PDE7A: variants seen among roughly 807,000 people sequenced by gnomAD.
PDE7A encodes phosphodiesterase 7A, also known as high affinity 3',5'-cyclic-AMP phosphodiesterase 7A.
PDE7A carries 39 observed loss-of-function variants against 64.3 expected under a neutral mutation model. The observed-to-expected ratio is 0.61, with a 90% CI of 0.47 to 0.79. The LOEUF is 0.79. PDE7A is among the 30% of genes least tolerant of loss of function. The pLI is 0.00. For missense variants in PDE7A, 470 were observed against 582.8 expected (o/e 0.81, Z 1.99); for synonymous variants, 203 against 206.8 (o/e 0.98, Z 0.16).
Position 65,715,138 on chromosome 8 carries a change from T to C in PDE7A, c.*4152A>G, listed in dbSNP as rs1173906663. Among the ~76,000 whole-genome samples the C allele has an allele frequency of 6.6e-6, 1 of 152,208 alleles. No homozygotes were observed. Among genetic ancestry groups the C allele is most frequent in the Non-Finnish European group, 1.5e-5 (1 of 68,046 alleles). On this transcript the variant is annotated 3_prime_UTR_variant, in exon 13 of 13. Transcript: ENST00000401827. ...CATGTAAAATAAATTTTGCATTCTG[T>C]TCTGTAATATTTACTTGCTTTTTAA...
chr8:65,765,660 G>A (rs1808744690), intron 3 of PDE7A: 1 of 152,208 alleles, frequency 6.6e-6, no homozygotes, highest in Non-Finnish European at 1.5e-5. Flanking sequence ...CTTGCTGGAT[G>A]TTGGCAGAGA....
At chr8:65,747,236 C>G (rs1352823890) in intron 4 of PDE7A, among the ~76,000 whole-genome samples, 1 of 152,150 alleles carries the variant, frequency 6.6e-6, no homozygotes, top group Non-Finnish European at 1.5e-5. Context: ...ACTTTCTGTG[C>G]TGGGTTTACC....
chr8:65,829,035 C>T (rs1182202519), intron 1 of PDE7A, among the ~76,000 whole-genome samples: 1 of 151,896 alleles, frequency 6.6e-6, no homozygotes, highest in East Asian at 1.9e-4. Context: ...TTTAGAATAA[C>T]TTCATTGTTT....
At position 65,739,542 on chromosome 8, in the gene PDE7A, C is replaced by A; in HGVS notation, c.555G>T (p.Glu185Asp). 1 of 1,567,740 alleles carries A rather than the reference C, an allele frequency of 6.4e-7. No individual in the cohort carries two copies. The highest frequency in any genetic ancestry group is 8.6e-7 in the Non-Finnish European group (1 of 1,161,752). ...FHLFSLHGLI[E>D]YFHLDMMKLR... ...GTTTCATCATATCTAAATGGAAGTA[C>A]TCAATTAATCCATGAAGACTAAATA... The change falls in exon 6 of 13, where the codon GAG (glutamate) becomes GAT (aspartate). Residue 185 changes from glutamate to aspartate, a missense_variant. Transcript: ENST00000401827.
At chr8:65,746,533 G>T (rs1302774199) in intron 4 of PDE7A, among the ~76,000 whole-genome samples, 9 of 151,822 alleles carry the variant, frequency 5.9e-5, no homozygotes, top group Admixed American at 3.9e-4. Flanking sequence ...TCCCACAAAG[G>T]CCCTAAAAAC....
Position 65,715,040 on chromosome 8 carries a change from ACTCC to A in PDE7A, c.*4246_*4249del, listed in dbSNP as rs1806076927. On this transcript the variant is annotated 3_prime_UTR_variant, in exon 13 of 13. Transcript: ENST00000401827. ...AGGACCTTTTACTCCTAGAGCAGAG[ACTCC>A]CTCAGCCCCTGAAATGTTGAGCCAA... is the stretch of plus-strand genomic sequence containing the variant. 6.6e-6 allele frequency among the ~76,000 whole-genome samples: 1 copy of A among 152,014 alleles called. No homozygotes were observed. The highest frequency in any genetic ancestry group is 1.5e-5 in the Non-Finnish European group (1 of 68,004).
intron 1 of PDE7A, among the ~76,000 whole-genome samples, chr8:65,796,385 C>T (rs1159852548): frequency 6.6e-6 from 1 of 151,934 alleles, no homozygotes; most frequent in African/African-American, 2.4e-5. Context: ...CAAAAGCAGA[C>T]AATGACATTA....
chr8:65,735,016 C>T (rs531075439), intron 6 of PDE7A, 122 bp from the exon 7 acceptor site: 6 of 656,432 alleles, frequency 9.1e-6, no homozygotes, highest in South Asian at 5.4e-5. Context: ...AAAATCGTGC[C>T]GATTCGGGCA....
Position 65,715,372 on chromosome 8 carries a change from TA to T in PDE7A, c.*3917del, listed in dbSNP as rs1162786052. ...CCAACAAAGAGAGACCCTGTCTCTA[TA>T]AAAAAGTTTTTTTTTTTTTTTTGAG... On this transcript the variant is annotated 3_prime_UTR_variant, in exon 13 of 13. Transcript: ENST00000401827. 1.3e-5 allele frequency among the ~76,000 whole-genome samples: 2 copies of T among 149,562 alleles called. No homozygotes were observed. Among genetic ancestry groups the T allele is most frequent in the South Asian group, 2.1e-4 (1 of 4,694 alleles).
chr8:65,755,313 G>T (rs988862961), intron 3 of PDE7A, among the ~76,000 whole-genome samples: 2 of 152,080 alleles, frequency 1.3e-5, no homozygotes, highest in Non-Finnish European at 2.9e-5. Context: ...GAGCCATCAT[G>T]CCCGGCCCAT....
chr8:65,740,970 C>G (rs1351943109), intron 5 of PDE7A, among the ~76,000 whole-genome samples: 1 of 152,224 alleles, frequency 6.6e-6, no homozygotes, highest in African/African-American at 2.4e-5. Context: ...GCAATGGGGA[C>G]TGTTTTCGTC....
chr8:65,823,055 T>C (rs1310355179), intron 1 of PDE7A, among the ~76,000 whole-genome samples: 1 of 152,194 alleles, frequency 6.6e-6, no homozygotes, highest in Non-Finnish European at 1.5e-5. Context: ...AAGTTTTATT[T>C]TTCTATTTCC....
intron 1 of PDE7A, among the ~76,000 whole-genome samples, chr8:65,791,944 A>T (rs901715385): frequency 7.2e-6 from 1 of 139,704 alleles, no homozygotes; most frequent in Non-Finnish European, 1.5e-5. Context: ...ATTAAATTTT[A>T]ATAATAATAA....
chr8:65,732,989 A>T (rs985819269), intron 7 of PDE7A, among the ~76,000 whole-genome samples: 1 of 152,138 alleles, frequency 6.6e-6, no homozygotes. Flanking sequence ...AACTACAGGC[A>T]TGAGTCACCG....
At chr8:65,753,139 T>C (rs1288174712) in intron 3 of PDE7A, among the ~76,000 whole-genome samples, 2 of 152,232 alleles carry the variant, frequency 1.3e-5, no homozygotes, top group Non-Finnish European at 2.9e-5. Context: ...TTCCATTAAG[T>C]GCTCTCCAGT....
chr8:65,774,142 C>T (rs1311976770), intron 3 of PDE7A, among the ~76,000 whole-genome samples: 1 of 152,168 alleles, frequency 6.6e-6, no homozygotes. Flanking sequence ...CTGGAAGCAA[C>T]CAATGTTATC....
intron 1 of PDE7A, among the ~76,000 whole-genome samples, chr8:65,800,791 G>A (rs912164693): frequency 2.0e-5 from 3 of 152,118 alleles, no homozygotes; most frequent in African/African-American, 4.8e-5. Flanking sequence ...CTTGCTCAAC[G>A]AACATCAAAC....
At chr8:65,738,138 T>C (rs1020232288) in intron 6 of PDE7A, among the ~76,000 whole-genome samples, 5 of 147,478 alleles carry the variant, frequency 3.4e-5, no homozygotes, top group African/African-American at 7.8e-5. Flanking sequence ...AAGTGTACAA[T>C]AGCATTATGT....
In PDE7A at chr8:65,745,482, A is replaced by G; in HGVS notation, c.436-12T>C. ...TTTTCCAGCATACACTGAAATGAAA[A>G]CCAAACATTTCTACTGTAATTTAAT... is the stretch of plus-strand genomic sequence containing the variant. On this transcript the variant is annotated splice_polypyrimidine_tract_variant and intron_variant, in intron 4 of 12. Transcript: ENST00000401827. 2.1e-6 allele frequency: 3 copies of G among 1,455,458 alleles called. No homozygotes were observed. The highest frequency in any genetic ancestry group is 1.9e-6 in the Non-Finnish European group (2 of 1,035,738). 90.2% of individuals were successfully genotyped at this position (1,455,458 alleles called of 1,614,324 possible).
Sources: gnomAD v4.1 joint callset for allele counts (sites outside exome capture counted in the v4.1 genomes callset) on GRCh38, gnomAD v4.1.1 for gene constraint, MANE v1.5 for transcripts, NCBI Gene and HGNC (gene_info 2026-07-23, HGNC 2026-07-21) for gene names.